Variants in STX2 observed in about 807,000 individuals in gnomAD.
STX2 encodes the protein syntaxin-2.
STX2 carries 27 observed loss-of-function variants against 40.6 expected under a neutral mutation model. That is an observed-to-expected ratio of 0.66 (90% confidence interval 0.49 to 0.92). The LOEUF (loss-of-function observed/expected upper bound fraction) is 0.92. STX2 is among the 40% of genes least tolerant of loss of function. STX2 has a pLI of 0.00. For missense variants in STX2, 328 were observed against 366.1 expected (o/e 0.90, Z 0.85); for synonymous variants, 123 against 119.1 (o/e 1.03, Z -0.22).
At position 130,791,803 on chromosome 12, in the gene STX2, T is replaced by C; in HGVS notation, c.*220A>G. 1.8e-6 allele frequency: 2 copies of C among 1,095,288 alleles called. No individual in the cohort carries two copies. The highest frequency in any genetic ancestry group is 2.4e-5 in the East Asian group (1 of 41,932). The allele number at this position is 1,095,288 out of a possible 1,614,324, so 67.8% of individuals were successfully genotyped here. A position where few individuals can be genotyped will look rare whatever the true frequency, so the allele number is the denominator to read the frequency against. On this transcript the variant is annotated 3_prime_UTR_variant, in exon 11 of 11. Coordinates refer to ENST00000392373, the MANE Select transcript of STX2 (RefSeq NM_194356.4). ...ACAAGGTCAGCACTCGATGCCGGGT[T>C]ACAGCGTCTGAGATTCATTCACGAA...
chr12:130,833,004 C>T (rs548448631), intron 1 of STX2, among the ~76,000 whole-genome samples: 3 of 152,252 alleles, frequency 2.0e-5, no homozygotes, highest in African/African-American at 7.2e-5. Context: ...GCAAGGATTG[C>T]GAAAGACACT....
At position 130,808,665 on chromosome 12, in the gene STX2, C is replaced by T. The variant is rs149127129; in HGVS notation, c.320G>A (p.Arg107Gln). Reference sequence around the variant, plus strand: ...TCGTATCCGAAGATCCACTGAAGTCCGGTTCCCACTCTCATCCTGATCAAA... The same window carrying T: ...TCGTATCCGAAGATCCACTGAAGTCTGGTTCCCACTCTCATCCTGATCAAA... ...QSFDQDESGN[R>Q]TSVDLRIRRT... Residue 107 changes from arginine to glutamine, a missense_variant, in exon 5 of 11, where the codon CGG (arginine) becomes CAG (glutamine). Transcript: ENST00000392373. 340 of 1,613,632 alleles carry T rather than the reference C, an allele frequency of 2.1e-4. 1 individual carries two copies. Among genetic ancestry groups the T allele is most frequent in the Non-Finnish European group, 2.6e-4 (308 of 1,179,880 alleles).
chr12:130,814,546 T>C (rs1055165172), intron 3 of STX2, among the ~76,000 whole-genome samples: 2 of 151,802 alleles, frequency 1.3e-5, no homozygotes, highest in African/African-American at 2.4e-5. Flanking sequence ...CCAGCTGAGT[T>C]TGGGGCTTTT....
chr12:130,822,022 C>A (rs1258266716), intron 2 of STX2, among the ~76,000 whole-genome samples: 1 of 152,188 alleles, frequency 6.6e-6, no homozygotes, highest in Non-Finnish European at 1.5e-5. Context: ...GAAAACCTAT[C>A]AGGTTGTAAA....
chr12:130,801,741 A>T (rs1198445233), intron 6 of STX2, among the ~76,000 whole-genome samples: 1 of 152,240 alleles, frequency 6.6e-6, no homozygotes, highest in African/African-American at 2.4e-5. Context: ...GTGAGAAACA[A>T]CTGCAGAAAG....
chr12:130,796,666 G>A lies in STX2; in HGVS notation c.787-546C>T, dbSNP rs117207953. ...CAGGTTTCATCCATGGGGACAGCAC[G>A]ACCAAGTCATTTTGCCACATTTCTG... On this transcript the variant is annotated intron_variant, in intron 9 of 10. Transcript: ENST00000392373. Among the ~76,000 whole-genome samples, 590 of 152,210 alleles carry A rather than the reference G, an allele frequency of 3.9e-3. 2 individuals carry two copies. Among genetic ancestry groups the A allele is most frequent in the Admixed American group, 7.7e-3 (117 of 15,284 alleles).
At position 130,790,218 on chromosome 12, in the gene STX2, A is replaced by G. The variant is rs1251459121; in HGVS notation, c.*1805T>C. On this transcript the variant is annotated 3_prime_UTR_variant, in exon 11 of 11. Transcript: ENST00000392373. ...CCCTAGTAACTGCCACACAGTGACC[A>G]CCAGCGAGTGATCCAATGGACGCAT... The G allele has an allele frequency of 6.6e-6, 1 of 152,268 alleles. No homozygotes were observed. Among genetic ancestry groups the G allele is most frequent in the East Asian group, 1.9e-4 (1 of 5,202 alleles). 9.4% of individuals were successfully genotyped at this position (152,268 alleles called of 1,614,324 possible). A position where few individuals can be genotyped will look rare whatever the true frequency, so the allele number is the denominator to read the frequency against.
Position 130,791,913 on chromosome 12 carries a change from G to A in STX2, c.*110C>T. 1.2e-6 allele frequency: 2 copies of A among 1,611,664 alleles called. No individual in the cohort carries two copies. The highest frequency in any genetic ancestry group is 1.7e-6 in the Non-Finnish European group (2 of 1,178,476). The stretch of plus-strand genomic sequence containing the variant: ...GGGATATGGTTGCTAGGACAATGTT[G>A]TTGCTAGGATAATTCCAAGGATCAC... On this transcript the variant is annotated 3_prime_UTR_variant, in exon 11 of 11. Coordinates refer to ENST00000392373, the MANE Select transcript of STX2 (RefSeq NM_194356.4).
chr12:130,828,556 T>C (rs1952419875), intron 1 of STX2, among the ~76,000 whole-genome samples: 1 of 151,820 alleles, frequency 6.6e-6, no homozygotes, highest in South Asian at 2.1e-4. Flanking sequence ...CTCGTAATTC[T>C]AAGCAAAGCA....
At chr12:130,814,319 C>T (rs1393917193) in intron 3 of STX2, among the ~76,000 whole-genome samples, 1 of 152,086 alleles carries the variant, frequency 6.6e-6, no homozygotes, top group African/African-American at 2.4e-5. Context: ...TAACAACGGA[C>T]GAGACAGGGT....
At chr12:130,826,846 C>A (rs1198111981) in intron 2 of STX2, among the ~76,000 whole-genome samples, 6 of 143,620 alleles carry the variant, frequency 4.2e-5, no homozygotes, top group South Asian at 2.2e-4. Context: ...ACTAAAAGTG[C>A]AAAAAAAAAA....
intron 10 of STX2, among the ~76,000 whole-genome samples, chr12:130,792,671 G>A (rs1468589298): frequency 6.6e-6 from 1 of 152,116 alleles, no homozygotes; most frequent in Non-Finnish European, 1.5e-5. Context: ...TTGCTATGTT[G>A]CCCAGACTAG....
Position 130,796,097 on chromosome 12 carries a change from C to T in STX2, c.810G>A (p.Val270=). The change falls in exon 10 of 11, where the codon GTG becomes GTA. Residue 270 remains valine (V), a synonymous_variant. Coordinates refer to ENST00000392373, the MANE Select transcript of STX2 (RefSeq NM_194356.4). ...ARRKKWIIIA[V]SVVLVAIIAL... is the part of the protein sequence containing the mutation. ...CGATTATGGCAACCAGAACCACTGA[C>T]ACAGCAATAATTATCCACTTTTTCT... is the stretch of plus-strand genomic sequence containing the variant. 1 of 1,614,170 alleles carries T rather than the reference C, an allele frequency of 6.2e-7. No individual in the cohort carries two copies. The highest frequency in any genetic ancestry group is 8.5e-7 in the Non-Finnish European group (1 of 1,180,028).
chr12:130,812,145 T>C (rs1279630198), intron 4 of STX2: 3 of 237,010 alleles, frequency 1.3e-5, no homozygotes, highest in African/African-American at 7.1e-5. Context: ...GTTTGGTCCT[T>C]ATTTGGGACT....
chr12:130,827,275 G>A lies in STX2; in HGVS notation c.31-8C>T. On this transcript the variant is annotated splice_region_variant and splice_polypyrimidine_tract_variant and intron_variant, in intron 1 of 10. Transcript: ENST00000392373. ...ATCATCATTCTTCCTACACTACAAT[G>A]AAAAATGGAAAATTCAGTTTTTTAA... The A allele has an allele frequency of 6.2e-7, 1 of 1,610,390 alleles. No individual in the cohort carries two copies. Among genetic ancestry groups the A allele is most frequent in the South Asian group, 1.1e-5 (1 of 90,776 alleles).
chr12:130,822,529 A>G (rs986932534), intron 2 of STX2, among the ~76,000 whole-genome samples: 4 of 152,006 alleles, frequency 2.6e-5, no homozygotes, highest in Admixed American at 6.6e-5. Flanking sequence ...TTTAAATTCA[A>G]TATTTGTTTC....
chr12:130,802,463 G>A (rs1420927317), intron 6 of STX2, among the ~76,000 whole-genome samples: 1 of 152,192 alleles, frequency 6.6e-6, no homozygotes, highest in East Asian at 1.9e-4. Context: ...CTCCCAAAGT[G>A]CTCGGATTGC....
chr12:130,834,511 G>A (rs527618345), intron 1 of STX2, among the ~76,000 whole-genome samples: 19 of 152,320 alleles, frequency 1.2e-4, no homozygotes, highest in Admixed American at 1.2e-3. Flanking sequence ...CAAGGCGATA[G>A]ATCTGGGCTC....
rs116083508 is a variant in STX2 at position 130,819,620 on chromosome 12, G to A, written c.205+2069C>T. The stretch of plus-strand genomic sequence containing the variant: ...GACTTGGCAGCAAAAATGTTTTGGA[G>A]GTAAATTATTCAAAAAAAAATGCGG... On this transcript the variant is annotated intron_variant, in intron 3 of 10. Coordinates refer to ENST00000392373, the MANE Select transcript of STX2 (RefSeq NM_194356.4). Among the ~76,000 whole-genome samples the A allele has an allele frequency of 4.5e-3, 688 of 151,992 alleles. 9 individuals carry two copies. The highest frequency in any genetic ancestry group is 0.016 in the African/African-American group (660 of 41,340).
Sources: allele counts gnomAD v4.1 joint callset (sites outside exome capture counted in the v4.1 genomes callset), GRCh38; gene constraint gnomAD v4.1.1; transcripts MANE v1.5; gene names NCBI Gene and HGNC (gene_info 2026-07-23, HGNC 2026-07-21).